UFL1: variants seen among roughly 807,000 people sequenced by gnomAD.
The protein encoded by UFL1 is UFM1 specific ligase 1.
UFL1 carries 78 observed loss-of-function variants against 99.3 expected under a neutral mutation model. The ratio of observed to expected loss-of-function variants is 0.79; its 90% confidence interval spans 0.65 to 0.95. The LOEUF (loss-of-function observed/expected upper bound fraction) is 0.95, where lower values mean the gene tolerates loss of function less well. Ranked by LOEUF, UFL1 falls within the 40% of genes least tolerant of loss-of-function variation. The probability of loss-of-function intolerance (pLI) is 0.00; values close to 1 mark genes in which losing one functional copy is unlikely to be tolerated. For missense variants in UFL1, 936 were observed against 937.0 expected, an observed-to-expected ratio of 1.00 and a Z score of 0.01; for synonymous variants, 335 against 322.2, an observed-to-expected ratio of 1.04 and a Z score of -0.42.
intron 9 of UFL1, among the ~76,000 whole-genome samples, chr6:96,538,172 A>G (rs1276895740): frequency 3.3e-5 from 5 of 151,770 alleles, no homozygotes; most frequent in Middle Eastern, 3.2e-3. Flanking sequence ...TTCTATTAAT[A>G]CTTGTTGGGG....
intron 6 of UFL1, among the ~76,000 whole-genome samples, chr6:96,531,933 C>A (rs1473242142): frequency 1.3e-5 from 2 of 152,094 alleles, no homozygotes; most frequent in African/African-American, 4.8e-5. Flanking sequence ...TTGTATTTGT[C>A]TCTTAAAAAT....
intron 3 of UFL1, 91 bp downstream of exon 3, chr6:96,524,501 A>G: frequency 3.0e-6 from 3 of 983,678 alleles, no homozygotes; most frequent in Non-Finnish European, 4.4e-6. Context: ...CTGGTATCAT[A>G]TTTTGTGTAG....
chr6:96,536,395 CTTTCTTA>C lies in UFL1; in HGVS notation c.802+12_802+18del, dbSNP rs1562253397. 6.3e-7 allele frequency: 1 copy of C among 1,593,810 alleles called. No individual in the cohort carries two copies. The highest frequency in any genetic ancestry group is 8.6e-7 in the Non-Finnish European group (1 of 1,167,538). On this transcript the variant is annotated splice_donor_region_variant and intron_variant, in intron 8 of 18. Coordinates refer to ENST00000369278, the MANE Select transcript of UFL1 (RefSeq NM_015323.5). ...TCAGGCAGAATGGCTATCTAGGTAA[CTTTCTTA>C]TTTCTTTAAAACTAAAATTTATTTT... is the stretch of plus-strand genomic sequence containing the variant.
At chr6:96,548,119 T>G in intron 12 of UFL1, 45 bp from the exon 13 acceptor site, 1 of 1,340,312 alleles carries the variant, frequency 7.5e-7, no homozygotes, top group South Asian at 1.3e-5. Context: ...TGGTTGCATG[T>G]TTTTTATTTA....
chr6:96,544,545 T>G (rs1318984229), intron 12 of UFL1, among the ~76,000 whole-genome samples: 1 of 151,090 alleles, frequency 6.6e-6, no homozygotes, highest in Non-Finnish European at 1.5e-5. Flanking sequence ...TTGCTATTTG[T>G]AATAGCACAG....
intron 5 of UFL1, among the ~76,000 whole-genome samples, chr6:96,527,172 T>C (rs1360972532): frequency 1.3e-5 from 2 of 152,150 alleles, no homozygotes; most frequent in African/African-American, 4.8e-5. Context: ...AGAAATTCAT[T>C]TGGTAGAGTG....
At chr6:96,527,965 G>T (rs1769726272) in intron 5 of UFL1, among the ~76,000 whole-genome samples, 1 of 152,176 alleles carries the variant, frequency 6.6e-6, no homozygotes, top group African/African-American at 2.4e-5. Context: ...TTGAAAGAAG[G>T]TTACCAAGAA....
At position 96,521,835 on chromosome 6, in the gene UFL1, G is replaced by T. The variant is rs778391128; in HGVS notation, c.-39G>T. The T allele has an allele frequency of 4.4e-6, 7 of 1,594,794 alleles. No homozygotes were observed. The Admixed American group carries it at 6.9e-5, about 16-fold the overall frequency. ...TCTCCCACCGCCTGTCGGCTGACGT[G>T]TCTGCAGTTCCTCCGCGTCTACTGC... is the stretch of plus-strand genomic sequence containing the variant. On this transcript the variant is annotated 5_prime_UTR_variant, in exon 1 of 19. Coordinates refer to ENST00000369278, the MANE Select transcript of UFL1 (RefSeq NM_015323.5).
chr6:96,528,679 G>T, intron 6 of UFL1, 47 bp downstream of exon 6: 2 of 1,519,506 alleles, frequency 1.3e-6, no homozygotes, highest in South Asian at 1.3e-5. Flanking sequence ...CTTTGATCAT[G>T]GTTTGCATTT....
Position 96,549,437 on chromosome 6 carries a change from G to A in UFL1, c.1546G>A (p.Val516Met), listed in dbSNP as rs1463201992. The change falls in exon 14 of 19, where the codon GTG becomes ATG. Residue 516 changes from valine (V) to methionine (M), a missense_variant. By Grantham distance (21) the Val-to-Met change is conservative. Coordinates refer to ENST00000369278, the MANE Select transcript of UFL1 (RefSeq NM_015323.5). The stretch of plus-strand genomic sequence containing the variant: ...ACCTCTTAATAAAACTTATCTCGAG[G>A]TGGTACGTTCAGTATTCATGTCTTC... Reference protein sequence around the residue: ...IKPLNKTYLEVVRSVFMSSTT... With the variant: ...IKPLNKTYLEMVRSVFMSSTT... 2 of 1,596,464 alleles carry A rather than the reference G, an allele frequency of 1.3e-6. No homozygotes were observed. Among genetic ancestry groups the A allele is most frequent in the East Asian group, 2.2e-5 (1 of 44,732 alleles).
At chr6:96,529,600 TTTC>T (rs760254990) in intron 6 of UFL1, among the ~76,000 whole-genome samples, 44 of 152,362 alleles carry the variant, frequency 2.9e-4, no homozygotes, top group Non-Finnish European at 5.9e-5. Flanking sequence ...ACACTTTAGA[TTTC>T]TTCTTCTCTC....
intron 11 of UFL1, among the ~76,000 whole-genome samples, chr6:96,542,077 T>C (rs1352452104): frequency 1.3e-5 from 2 of 151,336 alleles, no homozygotes; most frequent in African/African-American, 2.4e-5. Flanking sequence ...AGTAATATAA[T>C]ATAGTTGTAA....
intron 18 of UFL1, among the ~76,000 whole-genome samples, 158 bp from the exon 19 acceptor site, chr6:96,553,127 C>G (rs1420322500): frequency 6.6e-6 from 1 of 152,026 alleles, no homozygotes; most frequent in Non-Finnish European, 1.5e-5. Flanking sequence ...ATTGTACACT[C>G]CTTGAGAGCA....
At chr6:96,524,288 G>A in intron 2 of UFL1, 94 bp from the exon 3 acceptor site, 2 of 1,162,490 alleles carry the variant, frequency 1.7e-6, no homozygotes, top group Non-Finnish European at 2.5e-6. Context: ...TTCTATGCAG[G>A]ACTTTGACCA....
intron 13 of UFL1, 42 bp from the exon 14 acceptor site, chr6:96,549,366 TACTC>T: frequency 6.8e-7 from 1 of 1,460,562 alleles, no homozygotes; most frequent in South Asian, 1.4e-5. Context: ...TCTATATAAA[TACTC>T]AGTACATTTT....
intron 1 of UFL1, among the ~76,000 whole-genome samples, chr6:96,522,301 T>C (rs1199940623): frequency 1.3e-5 from 2 of 152,110 alleles, no homozygotes; most frequent in Non-Finnish European, 2.9e-5. Context: ...TTGGCTATTA[T>C]ACACTTCCTG....
Position 96,553,518 on chromosome 6 carries a change from A to T in UFL1, c.*15A>T. 2.5e-6 allele frequency: 4 copies of T among 1,608,560 alleles called. No individual in the cohort carries two copies. The highest frequency in any genetic ancestry group is 3.4e-6 in the Non-Finnish European group (4 of 1,177,146). ...CGGAAGAGTAATGATCTTAATTTAC[A>T]TTTGTCATATAGTAAGCATTTTCCC... On this transcript the variant is annotated 3_prime_UTR_variant, in exon 19 of 19. Coordinates refer to ENST00000369278, the MANE Select transcript of UFL1 (RefSeq NM_015323.5).
intron 12 of UFL1, among the ~76,000 whole-genome samples, chr6:96,546,888 C>G (rs141915972): frequency 6.6e-6 from 1 of 151,436 alleles, no homozygotes; most frequent in African/African-American, 2.4e-5. Context: ...CTGTAAAAAT[C>G]CTAGAAGAAA....
chr6:96,526,943 A>G (rs144154929), intron 5 of UFL1, among the ~76,000 whole-genome samples: 4 of 152,138 alleles, frequency 2.6e-5, no homozygotes, highest in Non-Finnish European at 5.9e-5. Flanking sequence ...TTTTGTTCCA[A>G]CTGTCAGTAA....
Sources: allele counts gnomAD v4.1 joint callset (sites outside exome capture counted in the v4.1 genomes callset), GRCh38; gene constraint gnomAD v4.1.1; transcripts MANE v1.5; gene names NCBI Gene and HGNC (gene_info 2026-07-23, HGNC 2026-07-21).